ADAMTS3: variants seen among roughly 807,000 people sequenced by gnomAD.
ADAMTS3 encodes the protein A disintegrin and metalloproteinase with thrombospondin motifs 3.
A neutral mutation model predicts 129.0 loss-of-function variants in ADAMTS3; 73 were observed. The observed-to-expected ratio is 0.57, with a 90% CI of 0.47 to 0.69. The LOEUF (loss-of-function observed/expected upper bound fraction) is 0.69. ADAMTS3 is among the 30% of genes least tolerant of loss of function. The probability of loss-of-function intolerance (pLI) is 0.00; values close to 1 mark genes in which losing one functional copy is unlikely to be tolerated. For missense variants in ADAMTS3, 1,457 were observed against 1,514.5 expected (o/e 0.96, Z 0.63); for synonymous variants, 477 against 510.8 (o/e 0.93, Z 0.89).
intron 3 of ADAMTS3, among the ~76,000 whole-genome samples, chr4:72,418,175 TTAG>T (rs1722357591): frequency 6.6e-6 from 1 of 152,030 alleles, no homozygotes. Flanking sequence ...CAGAAAACTG[TTAG>T]TAGGAACAGT....
chr4:72,552,960 G>C (rs1721680187), intron 2 of ADAMTS3, among the ~76,000 whole-genome samples: 1 of 152,146 alleles, frequency 6.6e-6, no homozygotes, highest in African/African-American at 2.4e-5. Context: ...CATGAAGGCA[G>C]AAGATTTTAT....
chr4:72,474,823 G>A (rs930479485), intron 3 of ADAMTS3, among the ~76,000 whole-genome samples: 8 of 151,870 alleles, frequency 5.3e-5, no homozygotes, highest in Admixed American at 3.3e-4. Context: ...TCAGGAGATC[G>A]AGACCATCCC....
At position 72,477,337 on chromosome 4, in the gene ADAMTS3, C is replaced by G. The variant is rs187616973; in HGVS notation, c.505-62366G>C. Among the ~76,000 whole-genome samples the G allele has an allele frequency of 4.6e-3, 706 of 152,250 alleles. 1 individual carries two copies. Among genetic ancestry groups the G allele is most frequent in the African/African-American group, 0.016 (670 of 41,548 alleles). ...GTAAAAGAACAGAAATTATAACAAACTGTCTCTCAGACCACAGTGCAATCA... is the reference window on the plus strand; with the variant it reads ...GTAAAAGAACAGAAATTATAACAAAGTGTCTCTCAGACCACAGTGCAATCA... On this transcript the variant is annotated intron_variant, in intron 3 of 21. Transcript: ENST00000286657.
At chr4:72,306,582 T>A (rs936297367) in intron 15 of ADAMTS3, among the ~76,000 whole-genome samples, 12 of 151,932 alleles carry the variant, frequency 7.9e-5, no homozygotes, top group African/African-American at 2.9e-4. Flanking sequence ...TCTAAAGGAG[T>A]TACAACAGAA....
intron 4 of ADAMTS3, among the ~76,000 whole-genome samples, chr4:72,371,732 T>A (rs1261009667): frequency 6.6e-6 from 1 of 152,050 alleles, no homozygotes; most frequent in African/African-American, 2.4e-5. Context: ...ACAAACATTT[T>A]AAAAGTCAGT....
At position 72,432,149 on chromosome 4, in the gene ADAMTS3, G is replaced by A. The variant is rs937945995; in HGVS notation, c.505-17178C>T. On this transcript the variant is annotated intron_variant, in intron 3 of 21. Transcript: ENST00000286657. Reference sequence around the variant, plus strand: ...TTCTTCTCTTCCTAGGTACATAGGAGAACTGTAATTCCAGTTTCCTCCACA... The same window carrying A: ...TTCTTCTCTTCCTAGGTACATAGGAAAACTGTAATTCCAGTTTCCTCCACA... 2.0e-5 allele frequency among the ~76,000 whole-genome samples: 3 copies of A among 151,878 alleles called. No homozygotes were observed. The East Asian group carries it at 5.9e-4, about 30-fold the overall frequency.
At chr4:72,514,869 T>C (rs1037160784) in intron 3 of ADAMTS3, among the ~76,000 whole-genome samples, 2 of 152,154 alleles carry the variant, frequency 1.3e-5, no homozygotes, top group Non-Finnish European at 2.9e-5. Flanking sequence ...AGTTTTAGGG[T>C]ACATGTGCAC....
At chr4:72,451,054 T>C (rs2109970121) in intron 3 of ADAMTS3, among the ~76,000 whole-genome samples, 1 of 148,244 alleles carries the variant, frequency 6.7e-6, no homozygotes, top group South Asian at 2.1e-4. Flanking sequence ...AACACTAACC[T>C]ACAGTTTCTA....
At chr4:72,559,453 A>G (rs1721847346) in intron 2 of ADAMTS3, among the ~76,000 whole-genome samples, 4 of 151,780 alleles carry the variant, frequency 2.6e-5, no homozygotes, top group Admixed American at 1.3e-4. Context: ...TGAGATACAA[A>G]CATGAAGATA....
At chr4:72,411,169 G>T (rs1332197596) in intron 4 of ADAMTS3, among the ~76,000 whole-genome samples, 2 of 152,120 alleles carry the variant, frequency 1.3e-5, no homozygotes, top group Non-Finnish European at 2.9e-5. Context: ...AGTCAAGGAA[G>T]AAGAATCCGC....
rs975736110 is a variant in ADAMTS3 at position 72,288,638 on chromosome 4, T to C, written c.3049+113A>G. On this transcript the variant is annotated intron_variant, in intron 21 of 21. Transcript: ENST00000286657. ...ACTAATATTTCACAGGTGTTTTCCT[T>C]TGGTTATTTATCAGTAAACAAATAT... 1.4e-5 allele frequency: 10 copies of C among 716,020 alleles called. No individual in the cohort carries two copies. The Admixed American group carries it at 2.0e-4, about 15-fold the overall frequency. The allele number at this position is 716,020 out of a possible 1,614,324, so 44.4% of individuals were successfully genotyped here.
chr4:72,507,701 T>C (rs192416659), intron 3 of ADAMTS3, among the ~76,000 whole-genome samples: 1 of 152,262 alleles, frequency 6.6e-6, no homozygotes, highest in African/African-American at 2.4e-5. Flanking sequence ...AATGAGCATT[T>C]AAAGCACTAT....
intron 2 of ADAMTS3, among the ~76,000 whole-genome samples, chr4:72,559,051 T>C (rs1210329260): frequency 6.6e-6 from 1 of 150,830 alleles, no homozygotes; most frequent in Non-Finnish European, 1.5e-5. Flanking sequence ...GAAAGAGAAA[T>C]AAAACCAATA....
intron 3 of ADAMTS3, among the ~76,000 whole-genome samples, chr4:72,442,994 C>T (rs757037950): frequency 2.0e-5 from 3 of 151,626 alleles, no homozygotes; most frequent in Admixed American, 1.3e-4. Flanking sequence ...AATACTACAA[C>T]GATAAAAGGT....
rs181871051 is a variant in ADAMTS3 at position 72,303,582 on chromosome 4, C to T, written c.2424+335G>A. On this transcript the variant is annotated intron_variant, in intron 17 of 21. Transcript: ENST00000286657. ...TGAAGGTAAATGATACTAGATGGAA[C>T]GTCAGATGTACAAAGTAGAATGAAA... Among the ~76,000 whole-genome samples the T allele has an allele frequency of 9.2e-4, 139 of 151,500 alleles. 1 individual carries two copies. The highest frequency in any genetic ancestry group is 1.2e-3 in the East Asian group (6 of 5,160).
intron 4 of ADAMTS3, among the ~76,000 whole-genome samples, chr4:72,352,178 A>C (rs1560483181): frequency 6.6e-6 from 1 of 152,062 alleles, no homozygotes; most frequent in African/African-American, 2.4e-5. Context: ...TTGAAAGGTT[A>C]TCCGGATGTA....
At chr4:72,518,214 A>G (rs1720549819) in intron 3 of ADAMTS3, among the ~76,000 whole-genome samples, 1 of 151,884 alleles carries the variant, frequency 6.6e-6, no homozygotes, top group African/African-American at 2.4e-5. Flanking sequence ...GTTTGTTATA[A>G]TTTCTGTTCT....
At chr4:72,521,273 C>T (rs1720665755) in intron 3 of ADAMTS3, among the ~76,000 whole-genome samples, 2 of 152,170 alleles carry the variant, frequency 1.3e-5, no homozygotes. Flanking sequence ...GCTAAGATTA[C>T]AGGCATGAGC....
At chr4:72,362,251 A>G (rs868127713) in intron 4 of ADAMTS3, among the ~76,000 whole-genome samples, 1 of 152,134 alleles carries the variant, frequency 6.6e-6, no homozygotes, top group Non-Finnish European at 1.5e-5. Flanking sequence ...AATAGAAGGA[A>G]CACAGTACTT....
Sources: allele counts gnomAD v4.1 joint callset (sites outside exome capture counted in the v4.1 genomes callset), GRCh38; gene constraint gnomAD v4.1.1; transcripts MANE v1.5; gene names NCBI Gene and HGNC (gene_info 2026-07-23, HGNC 2026-07-21).